NKAIN3: variants seen among roughly 807,000 people sequenced by gnomAD.
NKAIN3 encodes sodium/potassium transporting ATPase interacting 3, also known as sodium/potassium-transporting ATPase subunit beta-1-interacting protein 3.
NKAIN3 carries 25 observed loss-of-function variants against 30.2 expected under a neutral mutation model. That is an observed-to-expected ratio of 0.83 (90% CI 0.60 to 1.16). The LOEUF is 1.16. Ranked by LOEUF, NKAIN3 falls within the 50% of genes most tolerant of loss-of-function variation. NKAIN3 has a pLI of 0.00. For synonymous variants in NKAIN3, 91 were observed against 89.6 expected (o/e 1.02, Z -0.09); for missense variants, 225 against 254.1 (o/e 0.89, Z 0.78).
In NKAIN3 at chr8:62,457,108, C is replaced by T. The variant is rs191293266; in HGVS notation, c.55-122431C>T. Among the ~76,000 whole-genome samples the T allele has an allele frequency of 3.9e-5, 6 of 152,212 alleles. No homozygotes were observed. The East Asian group carries it at 1.2e-3, about 29-fold the overall frequency. On this transcript the variant is annotated intron_variant, in intron 1 of 6. Transcript: ENST00000623646. ...TTTATTGAATGAATAAAGATGGAAA[C>T]TAAAATAATGAAAGTTAGGGAAACT...
intron 1 of NKAIN3, among the ~76,000 whole-genome samples, chr8:62,543,482 GT>G (rs1808907954): frequency 6.6e-6 from 1 of 152,156 alleles, no homozygotes; most frequent in Non-Finnish European, 1.5e-5. Context: ...TAGCTTCAAT[GT>G]GACACCTTTG....
At chr8:62,599,046 G>T (rs557873479) in intron 3 of NKAIN3, among the ~76,000 whole-genome samples, 1 of 152,146 alleles carries the variant, frequency 6.6e-6, no homozygotes, top group East Asian at 1.9e-4. Flanking sequence ...GTAGTCTCAA[G>T]AAAAGAGAGA....
At chr8:62,733,088 T>C (rs1418913937) in intron 3 of NKAIN3, among the ~76,000 whole-genome samples, 2 of 152,136 alleles carry the variant, frequency 1.3e-5, no homozygotes, top group Non-Finnish European at 2.9e-5. Flanking sequence ...CTCATTTTAC[T>C]TTTATTCTAA....
chr8:62,793,341 A>G (rs1288793770), intron 4 of NKAIN3, among the ~76,000 whole-genome samples: 2 of 151,992 alleles, frequency 1.3e-5, no homozygotes, highest in African/African-American at 2.4e-5. Context: ...TTTTTTACTT[A>G]TAGTTTCTGC....
chr8:62,417,317 G>A (rs946379876), intron 1 of NKAIN3, among the ~76,000 whole-genome samples: 1 of 152,096 alleles, frequency 6.6e-6, no homozygotes, highest in East Asian at 1.9e-4. Flanking sequence ...TCTTTTTTTA[G>A]GGATGAATAG....
In NKAIN3 at chr8:62,452,055, T is replaced by C. The variant is rs181745318; in HGVS notation, c.55-127484T>C. Among the ~76,000 whole-genome samples, 1,267 of 152,348 alleles carry C rather than the reference T, an allele frequency of 8.3e-3. 7 individuals are homozygous for C. The highest frequency in any genetic ancestry group is 0.015 in the Non-Finnish European group (1,054 of 68,024). Reference sequence around the variant, plus strand: ...ATGCAGGTTCAGATATGGCATGACTTGCTCAGAGTGGCTTAGCCAATAGGT... The same window carrying C: ...ATGCAGGTTCAGATATGGCATGACTCGCTCAGAGTGGCTTAGCCAATAGGT... On this transcript the variant is annotated intron_variant, in intron 1 of 6. Coordinates refer to ENST00000623646, the MANE Select transcript of NKAIN3 (RefSeq NM_001304533.3).
At chr8:62,842,595 C>T (rs1819566956) in intron 4 of NKAIN3, among the ~76,000 whole-genome samples, 1 of 152,058 alleles carries the variant, frequency 6.6e-6, no homozygotes, top group South Asian at 2.1e-4. Flanking sequence ...CATCATACTA[C>T]CTGATTTCAA....
At chr8:62,508,306 G>A (rs1428703635) in intron 1 of NKAIN3, among the ~76,000 whole-genome samples, 3 of 152,078 alleles carry the variant, frequency 2.0e-5, no homozygotes, top group Non-Finnish European at 4.4e-5. Context: ...CTTAGTTATG[G>A]CAGGTTCTCC....
intron 1 of NKAIN3, among the ~76,000 whole-genome samples, chr8:62,414,910 A>G (rs577248588): frequency 4.6e-5 from 7 of 151,560 alleles, no homozygotes; most frequent in East Asian, 1.9e-4. Flanking sequence ...TTTCAAGTCA[A>G]TCATTCACTG....
chr8:62,556,158 T>C (rs1809380102), intron 1 of NKAIN3, among the ~76,000 whole-genome samples: 1 of 151,936 alleles, frequency 6.6e-6, no homozygotes, highest in Non-Finnish European at 1.5e-5. Context: ...ATTGACTGAA[T>C]AAAATAATAT....
chr8:62,329,802 C>A (rs1402131590), intron 1 of NKAIN3, among the ~76,000 whole-genome samples: 1 of 152,068 alleles, frequency 6.6e-6, no homozygotes, highest in African/African-American at 2.4e-5. Flanking sequence ...AGTGAACATA[C>A]AGGTGCCTGT....
intron 5 of NKAIN3, among the ~76,000 whole-genome samples, chr8:62,947,862 C>T (rs1473609757): frequency 2.0e-5 from 3 of 152,236 alleles, no homozygotes; most frequent in Non-Finnish European, 4.4e-5. Context: ...AGAAGCTGCT[C>T]CTGCAGCCTC....
chr8:62,566,264 A>T (rs1162298877), intron 1 of NKAIN3, among the ~76,000 whole-genome samples: 2 of 152,084 alleles, frequency 1.3e-5, no homozygotes, highest in African/African-American at 2.4e-5. Flanking sequence ...GAGGTTAAAC[A>T]CCTTTATTCT....
intron 1 of NKAIN3, among the ~76,000 whole-genome samples, chr8:62,532,074 G>T (rs1808506576): frequency 6.6e-6 from 1 of 152,206 alleles, no homozygotes; most frequent in Non-Finnish European, 1.5e-5. Flanking sequence ...TAACTTTGAT[G>T]TCTGTTCTTG....
intron 4 of NKAIN3, among the ~76,000 whole-genome samples, chr8:62,869,899 G>C (rs1359699880): frequency 1.3e-5 from 2 of 152,004 alleles, no homozygotes; most frequent in African/African-American, 2.4e-5. Flanking sequence ...CCCCCGAAGT[G>C]GCTGGGACTA....
chr8:62,581,110 T>TATAAA (rs71559376), intron 2 of NKAIN3, among the ~76,000 whole-genome samples: 12,333 of 114,176 alleles, frequency 0.11, 1,030 homozygotes, highest in African/African-American at 0.21. Flanking sequence ...CTCAAAAAAA[T>TATAAA]ATAAAATAAA....
At chr8:62,660,568 C>G (rs1355744246) in intron 3 of NKAIN3, among the ~76,000 whole-genome samples, 1 of 151,742 alleles carries the variant, frequency 6.6e-6, no homozygotes, top group African/African-American at 2.4e-5. Context: ...GAATATGATA[C>G]CAAAACTGTT....
intron 1 of NKAIN3, among the ~76,000 whole-genome samples, chr8:62,401,219 C>T (rs1001020991): frequency 3.3e-5 from 5 of 152,028 alleles, no homozygotes; most frequent in African/African-American, 1.2e-4. Flanking sequence ...TTACAAGACT[C>T]TTATGCACCC....
intron 3 of NKAIN3, among the ~76,000 whole-genome samples, chr8:62,744,445 A>G (rs1287572108): frequency 6.6e-6 from 1 of 152,196 alleles, no homozygotes; most frequent in Non-Finnish European, 1.5e-5. Context: ...TTTTATTTGT[A>G]TAATATAAAT....
Sources: allele counts gnomAD v4.1 joint callset (sites outside exome capture counted in the v4.1 genomes callset), GRCh38; gene constraint gnomAD v4.1.1; transcripts MANE v1.5; gene names NCBI Gene and HGNC (gene_info 2026-07-23, HGNC 2026-07-21).